The following AVL9 variants were observed in gnomAD, a reference collection of about 807,000 sequenced individuals.
The protein encoded by AVL9 is late secretory pathway protein AVL9 homolog.
Under a neutral mutation model 79.2 loss-of-function variants are expected in AVL9, and 49 were observed. The observed-to-expected ratio is 0.62, with a 90% confidence interval of 0.49 to 0.79. The LOEUF (loss-of-function observed/expected upper bound fraction) is 0.79, where lower values mean the gene tolerates loss of function less well. Among genes scored for constraint, AVL9 ranks in the 30% least tolerant of loss-of-function variants. The pLI is 0.00. For missense variants in AVL9, 682 were observed against 776.8 expected (o/e 0.88, Z 1.45); for synonymous variants, 299 against 280.6 (o/e 1.07, Z -0.65).
intron 1 of AVL9, among the ~76,000 whole-genome samples, chr7:32,513,994 C>T (rs1787801145): frequency 6.6e-6 from 1 of 152,208 alleles, no homozygotes; most frequent in East Asian, 1.9e-4. Flanking sequence ...AGCAGTATTG[C>T]CACCATGATG....
At chr7:32,571,903 C>T (rs1790862612) in intron 11 of AVL9, among the ~76,000 whole-genome samples, 1 of 151,982 alleles carries the variant, frequency 6.6e-6, no homozygotes, top group African/African-American at 2.4e-5. Flanking sequence ...GTGGCTCACG[C>T]CTGTAATCCC....
intron 1 of AVL9, among the ~76,000 whole-genome samples, chr7:32,539,898 A>T (rs1421504703): frequency 6.6e-6 from 1 of 152,148 alleles, no homozygotes; most frequent in Non-Finnish European, 1.5e-5. Flanking sequence ...GCATCTTCAA[A>T]TATCTTTTTC....
intron 10 of AVL9, 109 bp from the exon 11 acceptor site, chr7:32,569,911 A>G (rs1352494749): frequency 2.9e-6 from 3 of 1,027,962 alleles, no homozygotes; most frequent in Non-Finnish European, 4.3e-6. Context: ...ACTTACAGAC[A>G]GGGCAAGGAA....
chr7:32,554,648 T>C, intron 8 of AVL9, 52 bp downstream of exon 8: 1 of 1,220,346 alleles, frequency 8.2e-7, no homozygotes, highest in Non-Finnish European at 1.1e-6. Flanking sequence ...TTTTATTCAC[T>C]TTTTTTTACA....
At chr7:32,498,061 A>G (rs1002703206) in intron 1 of AVL9, among the ~76,000 whole-genome samples, 1 of 152,218 alleles carries the variant, frequency 6.6e-6, no homozygotes, top group African/African-American at 2.4e-5. Flanking sequence ...CCTTTGTTTT[A>G]AAAGTGATGC....
chr7:32,542,385 CAAAAA>C (rs567774011), intron 1 of AVL9, among the ~76,000 whole-genome samples: 6 of 90,598 alleles, frequency 6.6e-5, no homozygotes, highest in Admixed American at 2.6e-4. Context: ...AGTAAAAATA[CAAAAA>C]AAAAAAAAAA....
intron 1 of AVL9, chr7:32,538,477 A>G (rs1335452944): frequency 6.6e-6 from 1 of 152,238 alleles, no homozygotes; most frequent in African/African-American, 2.4e-5. Context: ...AAAAAAAGCA[A>G]TGCAGTTGGT....
At chr7:32,558,894 T>C (rs773646320) in intron 9 of AVL9, 35 bp from the exon 10 acceptor site, 15 of 1,522,384 alleles carry the variant, frequency 9.9e-6, no homozygotes, top group Middle Eastern at 1.8e-4. Flanking sequence ...CATATTATTA[T>C]AAGCCAAGCT....
rs1298948698 is a variant in AVL9 at position 32,559,344 on chromosome 7, A to G, written c.1095A>G (p.Ser365=). ...TGTTTCCAAAGGACTCTGTCCCCTC[A>G]GAGAGTCTTCCAATTACTGTACAAC... ...TNLFPKDSVP[S]ESLPITVQPQ... The change falls in exon 10 of 16, where the codon TCA becomes TCG. Residue 365 remains serine, a synonymous_variant. Transcript: ENST00000318709. 7 of 1,614,196 alleles carry G rather than the reference A, an allele frequency of 4.3e-6. No homozygotes were observed. Among genetic ancestry groups the G allele is most frequent in the Non-Finnish European group, 5.9e-6 (7 of 1,180,038 alleles).
chr7:32,569,898 C>A, intron 10 of AVL9, 122 bp from the exon 11 acceptor site: 2 of 877,276 alleles, frequency 2.3e-6, no homozygotes, highest in Non-Finnish European at 3.5e-6. Flanking sequence ...CAAAGATTAG[C>A]TGACTTACAG....
intron 1 of AVL9, among the ~76,000 whole-genome samples, chr7:32,503,708 A>T (rs1299056874): frequency 1.3e-5 from 2 of 149,964 alleles, no homozygotes; most frequent in African/African-American, 2.5e-5. Context: ...TTCGAGACGG[A>T]GTCTCACTCT....
chr7:32,522,089 G>A (rs1403790218), intron 1 of AVL9, among the ~76,000 whole-genome samples: 1 of 152,200 alleles, frequency 6.6e-6, no homozygotes, highest in African/African-American at 2.4e-5. Flanking sequence ...ATGGGGTGGG[G>A]CCCTCATAGA....
chr7:32,498,723 CATTT>C (rs1433687725), intron 1 of AVL9, among the ~76,000 whole-genome samples: 4 of 150,412 alleles, frequency 2.7e-5, no homozygotes, highest in Non-Finnish European at 5.9e-5. Flanking sequence ...ACATTTAGAA[CATTT>C]TAAGTGATTT....
chr7:32,559,668 TA>T (rs1191229684), intron 10 of AVL9, among the ~76,000 whole-genome samples: 2 of 152,150 alleles, frequency 1.3e-5, no homozygotes, highest in African/African-American at 4.8e-5. Flanking sequence ...TTTTGATTGG[TA>T]AATGTTTTGA....
chr7:32,566,722 C>CAA (rs34818633), intron 10 of AVL9, among the ~76,000 whole-genome samples: 80 of 148,388 alleles, frequency 5.4e-4, no homozygotes, highest in East Asian at 5.3e-3. Flanking sequence ...ACTAAAAATA[C>CAA]AAAAAAAGAA....
At chr7:32,549,275 A>G (rs1057507869) in intron 4 of AVL9, among the ~76,000 whole-genome samples, 2 of 148,298 alleles carry the variant, frequency 1.3e-5, no homozygotes, top group African/African-American at 5.0e-5. Context: ...CCCAGGCTGG[A>G]GTGTGGTGGC....
At chr7:32,577,121 TAGG>T (rs911249755) in intron 13 of AVL9, among the ~76,000 whole-genome samples, 2 of 152,054 alleles carry the variant, frequency 1.3e-5, no homozygotes, top group Non-Finnish European at 1.5e-5. Flanking sequence ...ATCACAAAGT[TAGG>T]AGATCAAGAC....
chr7:32,517,309 CTT>C (rs1054366807), intron 1 of AVL9, among the ~76,000 whole-genome samples: 18 of 142,388 alleles, frequency 1.3e-4, no homozygotes, highest in Non-Finnish European at 1.2e-4. Flanking sequence ...TTTTCTTTTT[CTT>C]TTTTTTTTTT....
chr7:32,543,335 A>C, intron 2 of AVL9, 74 bp downstream of exon 2: 1 of 1,546,762 alleles, frequency 6.5e-7, no homozygotes, highest in Non-Finnish European at 8.7e-7. Context: ...GGTTCTAAAT[A>C]CTTAGAAATT....
Sources: gnomAD v4.1 joint callset for allele counts (sites outside exome capture counted in the v4.1 genomes callset) on GRCh38, gnomAD v4.1.1 for gene constraint, MANE v1.5 for transcripts, NCBI Gene and HGNC (gene_info 2026-07-23, HGNC 2026-07-21) for gene names.